Variants in DGKB observed in about 807,000 individuals in gnomAD.
DGKB encodes the protein diacylglycerol kinase beta.
A neutral mutation model predicts 114.3 loss-of-function variants in DGKB; 67 were observed. The observed-to-expected ratio is 0.59, with a 90% confidence interval of 0.48 to 0.72. The LOEUF (loss-of-function observed/expected upper bound fraction) is 0.72. Ranked by LOEUF, DGKB falls within the 30% of genes least tolerant of loss-of-function variation. The probability of loss-of-function intolerance (pLI) is 0.00; values close to 1 mark genes in which losing one functional copy is unlikely to be tolerated. For synonymous variants in DGKB, 398 were observed against 323.1 expected, an observed-to-expected ratio of 1.23 and a Z score of -2.49; for missense variants, 907 against 975.2, an observed-to-expected ratio of 0.93 and a Z score of 0.93.
chr7:14,752,305 A>G (rs1233125905), intron 4 of DGKB, among the ~76,000 whole-genome samples: 1 of 147,920 alleles, frequency 6.8e-6, no homozygotes, highest in Non-Finnish European at 1.5e-5. Flanking sequence ...GCACTACAAA[A>G]GGTAGGTTTT....
chr7:14,899,235 A>T (rs1180270351), intron 1 of DGKB, among the ~76,000 whole-genome samples: 3 of 152,114 alleles, frequency 2.0e-5, no homozygotes, highest in Non-Finnish European at 2.9e-5. Context: ...ATTGTGCAAG[A>T]ATCAGCGATA....
intron 23 of DGKB, among the ~76,000 whole-genome samples, chr7:14,306,745 T>A (rs776417890): frequency 6.6e-6 from 1 of 152,070 alleles, no homozygotes; most frequent in Non-Finnish European, 1.5e-5. Flanking sequence ...TACACCAACT[T>A]TATGAGCCCT....
intron 4 of DGKB, among the ~76,000 whole-genome samples, chr7:14,750,455 C>T (rs992401162): frequency 3.3e-5 from 5 of 152,116 alleles, no homozygotes; most frequent in African/African-American, 7.2e-5. Flanking sequence ...AAAGTACAAC[C>T]TATTACTTTG....
rs1055619732 is a variant in DGKB at position 14,689,209 on chromosome 7, T to A, written c.712-3847A>T. 4.3e-4 allele frequency among the ~76,000 whole-genome samples: 53 copies of A among 123,844 alleles called. 1 individual carries two copies. The highest frequency in any genetic ancestry group is 1.5e-3 in the African/African-American group (48 of 32,864). The allele number at this position is 123,844 out of a possible 152,430, so 81.2% of individuals were successfully genotyped here. A position where few individuals can be genotyped will look rare whatever the true frequency, so the allele number is the denominator to read the frequency against. ...ACAGAAACTCCTCTTATTTTTTTTTTTTTTTTTTTTTTTTTGAGAGGAGTC... is the reference window on the plus strand; with the variant it reads ...ACAGAAACTCCTCTTATTTTTTTTTATTTTTTTTTTTTTTTGAGAGGAGTC... On this transcript the variant is annotated intron_variant, in intron 9 of 25. Transcript: ENST00000402815.
chr7:14,946,395 T>C (rs538476905), intron 1 of DGKB, among the ~76,000 whole-genome samples: 15 of 151,872 alleles, frequency 9.9e-5, no homozygotes, highest in Admixed American at 5.3e-4. Context: ...CATTTGTTTT[T>C]ACACTGTCTT....
intron 22 of DGKB, among the ~76,000 whole-genome samples, chr7:14,341,036 T>C (rs1289716447): frequency 1.3e-5 from 2 of 151,650 alleles, no homozygotes; most frequent in African/African-American, 4.8e-5. Flanking sequence ...CATGTGACAA[T>C]TGAAAAACAT....
intron 21 of DGKB, among the ~76,000 whole-genome samples, chr7:14,372,705 A>T (rs1817855824): frequency 6.6e-6 from 1 of 152,086 alleles, no homozygotes; most frequent in Non-Finnish European, 1.5e-5. Flanking sequence ...CTATACTCTT[A>T]TCTACTCACC....
intron 1 of DGKB, among the ~76,000 whole-genome samples, chr7:14,853,150 C>T (rs749015950): frequency 1.3e-5 from 2 of 152,020 alleles, no homozygotes; most frequent in South Asian, 2.1e-4. Context: ...TATTGAAGCA[C>T]GCGAGGGACT....
chr7:14,761,242 G>A (rs183216666), intron 2 of DGKB, among the ~76,000 whole-genome samples: 1 of 152,098 alleles, frequency 6.6e-6, no homozygotes, highest in Non-Finnish European at 1.5e-5. Context: ...GATTTGACCG[G>A]TCAATCTTCT....
chr7:14,537,925 A>G (rs1006923065), intron 20 of DGKB, among the ~76,000 whole-genome samples: 8 of 152,058 alleles, frequency 5.3e-5, no homozygotes, highest in Admixed American at 1.3e-4. Flanking sequence ...TACTAATAAT[A>G]CAAAATTAGC....
chr7:14,423,583 T>A (rs956508827), intron 21 of DGKB, among the ~76,000 whole-genome samples: 2 of 152,110 alleles, frequency 1.3e-5, no homozygotes, highest in Non-Finnish European at 2.9e-5. Context: ...TTGGTTTTGA[T>A]ATATTTTGAG....
intron 23 of DGKB, among the ~76,000 whole-genome samples, chr7:14,229,814 T>C (rs1428749525): frequency 6.6e-6 from 1 of 152,004 alleles, no homozygotes; most frequent in Non-Finnish European, 1.5e-5. Flanking sequence ...AATTATGATA[T>C]ATTCCGTCCA....
intron 23 of DGKB, among the ~76,000 whole-genome samples, chr7:14,330,602 C>T (rs138860150): frequency 6.6e-6 from 1 of 151,904 alleles, no homozygotes; most frequent in African/African-American, 2.4e-5. Flanking sequence ...TTATACTGCA[C>T]ACCAGATTTT....
At chr7:14,387,120 AT>A (rs1386119664) in intron 21 of DGKB, among the ~76,000 whole-genome samples, 1 of 149,556 alleles carries the variant, frequency 6.7e-6, no homozygotes, top group Admixed American at 6.7e-5. Context: ...TTATTTATTT[AT>A]TTATTTAAAG....
At chr7:14,205,207 A>G (rs1270489103) in intron 23 of DGKB, among the ~76,000 whole-genome samples, 1 of 151,970 alleles carries the variant, frequency 6.6e-6, no homozygotes, top group African/African-American at 2.4e-5. Flanking sequence ...GGCTGAGGAA[A>G]CTTGTGGAGA....
At chr7:14,897,252 A>G (rs550576857) in intron 1 of DGKB, among the ~76,000 whole-genome samples, 208 of 152,060 alleles carry the variant, frequency 1.4e-3, no homozygotes, top group African/African-American at 4.7e-3. Context: ...TAAAAATGGA[A>G]TTTGAAATTA....
At chr7:14,265,962 G>A (rs1797453715) in intron 23 of DGKB, among the ~76,000 whole-genome samples, 1 of 152,208 alleles carries the variant, frequency 6.6e-6, no homozygotes, top group African/African-American at 2.4e-5. Context: ...AAGAACAGTG[G>A]CGAAAGAGGG....
intron 23 of DGKB, among the ~76,000 whole-genome samples, chr7:14,241,957 TACACACACACAC>T (rs71033980): frequency 3.4e-5 from 5 of 148,176 alleles, no homozygotes; most frequent in African/African-American, 9.9e-5. Flanking sequence ...CACACACATA[TACACACACACAC>T]ACACACACAC....
intron 1 of DGKB, among the ~76,000 whole-genome samples, chr7:14,861,963 G>C (rs549131656): frequency 6.6e-6 from 1 of 151,960 alleles, no homozygotes; most frequent in African/African-American, 2.4e-5. Context: ...TTTCCAAAGA[G>C]TGTTTCTCAT....
Sources: allele counts gnomAD v4.1 joint callset (sites outside exome capture counted in the v4.1 genomes callset), GRCh38; gene constraint gnomAD v4.1.1; transcripts MANE v1.5; gene names NCBI Gene and HGNC (gene_info 2026-07-23, HGNC 2026-07-21).